Variants in TEX15 observed in about 807,000 individuals in gnomAD.
The protein encoded by TEX15 is testis expressed 15, meiosis and synapsis associated.
Under a neutral mutation model 237.3 loss-of-function variants are expected in TEX15, and 171 were observed. The observed-to-expected ratio is 0.72, with a 90% CI of 0.64 to 0.82. The LOEUF is 0.82. Among genes scored for constraint, TEX15 ranks in the 40% least tolerant of loss-of-function variants. The pLI, the probability that TEX15 is intolerant of heterozygous loss-of-function variation, is 0.00. For synonymous variants in TEX15, 1,338 were observed against 1,269.8 expected (o/e 1.05, Z -1.14); for missense variants, 3,750 against 3,646.5 (o/e 1.03, Z -0.73).
chr8:30,866,329 A>AGAAAGGG (rs1265136813), intron 5 of TEX15, among the ~76,000 whole-genome samples: 42 of 149,720 alleles, frequency 2.8e-4, no homozygotes, highest in East Asian at 9.9e-4. Flanking sequence ...ACAAAAAGGG[A>AGAAAGGG]GAAAGGGGAA....
At chr8:30,892,485 C>T (rs10954766) in intron 2 of TEX15, among the ~76,000 whole-genome samples, 35,751 of 152,010 alleles carry the variant, frequency 0.24, 6,191 homozygotes, top group African/African-American at 0.48. Context: ...GCCTATCTAA[C>T]AATAAATCTT....
intron 1 of TEX15, among the ~76,000 whole-genome samples, chr8:30,911,050 A>T (rs1189256027): frequency 6.6e-6 from 1 of 152,186 alleles, no homozygotes; most frequent in African/African-American, 2.4e-5. Flanking sequence ...AAAATCTTTT[A>T]AAAATATTCA....
At chr8:30,882,529 G>C (rs1000350744) in intron 3 of TEX15, among the ~76,000 whole-genome samples, 2 of 151,886 alleles carry the variant, frequency 1.3e-5, no homozygotes, top group African/African-American at 4.8e-5. Flanking sequence ...CTTGTGATCT[G>C]CCCACCTCAG....
intron 3 of TEX15, among the ~76,000 whole-genome samples, chr8:30,881,328 T>C (rs1298651512): frequency 6.6e-6 from 1 of 152,192 alleles, no homozygotes; most frequent in Non-Finnish European, 1.5e-5. Flanking sequence ...TTTAGAATTC[T>C]CCAGTGAAAC....
chr8:30,890,985 T>C (rs887469176), intron 2 of TEX15, among the ~76,000 whole-genome samples: 2 of 152,220 alleles, frequency 1.3e-5, no homozygotes, highest in Admixed American at 6.5e-5. Context: ...CTGTCATATG[T>C]ATTTTAATAT....
chr8:30,856,426 C>T (rs1008749603), intron 7 of TEX15, among the ~76,000 whole-genome samples: 9 of 151,830 alleles, frequency 5.9e-5, no homozygotes, highest in Admixed American at 2.6e-4. Context: ...TGTGGTGGTG[C>T]GCACCTGTAG....
intron 2 of TEX15, among the ~76,000 whole-genome samples, chr8:30,894,080 A>G (rs978358156): frequency 3.9e-5 from 6 of 152,158 alleles, no homozygotes; most frequent in African/African-American, 1.4e-4. Flanking sequence ...AATTATTACT[A>G]TCTTCATTAA....
intron 3 of TEX15, among the ~76,000 whole-genome samples, chr8:30,878,206 C>T (rs1808441010): frequency 1.3e-5 from 2 of 148,184 alleles, no homozygotes; most frequent in Admixed American, 6.9e-5. Flanking sequence ...TATGAATGTG[C>T]CAGTTTGTTT....
chr8:30,837,536 A>G lies in TEX15; in HGVS notation c.8748T>C (p.Phe2916=), dbSNP rs1416137220. 1 of 1,614,002 alleles carries G rather than the reference A, an allele frequency of 6.2e-7. No homozygotes were observed. The highest frequency in any genetic ancestry group is 1.7e-5 in the Admixed American group (1 of 60,020). Residue 2916 remains phenylalanine (F), a synonymous_variant, in exon 10 of 11, where the codon TTT becomes TTC. Coordinates refer to ENST00000643185, the MANE Select transcript of TEX15 (RefSeq NM_001350162.2). Reference sequence around the variant, plus strand: ...TTACTATATCATTATCTTGAAGTTCAAAGACTGTGTCATTCATTTCTAGAT... The same window carrying G: ...TTACTATATCATTATCTTGAAGTTCGAAGACTGTGTCATTCATTTCTAGAT... ...HPDLEMNDTV[F]ELQDNDIVNS... is the part of the protein sequence containing the mutation.
rs1374947223 is a variant in TEX15 at position 30,908,682 on chromosome 8, C to A, written c.-86+4197G>T. ...ACCTATGTTTGAATCCTAGCTCTTT[C>A]ACTATTTAGCTACTTCAGTTCATAA... On this transcript the variant is annotated intron_variant, in intron 1 of 10. Transcript: ENST00000643185. Among the ~76,000 whole-genome samples, 4 of 152,328 alleles carry A rather than the reference C, an allele frequency of 2.6e-5. No individual in the cohort carries two copies. The East Asian group carries it at 7.7e-4, about 29-fold the overall frequency.
intron 9 of TEX15, 38 bp from the exon 10 acceptor site, chr8:30,838,099 T>C (rs368835976): frequency 1.2e-5 from 18 of 1,491,356 alleles, no homozygotes; most frequent in East Asian, 6.9e-5. Flanking sequence ...TGAATTTAAA[T>C]ATATAGGGTC....
At chr8:30,905,448 A>G (rs1809081948) in intron 1 of TEX15, among the ~76,000 whole-genome samples, 2 of 152,162 alleles carry the variant, frequency 1.3e-5, no homozygotes, top group Admixed American at 6.5e-5. Flanking sequence ...GATCACCAAA[A>G]TAGAGTAATT....
Position 30,846,697 on chromosome 8 carries a change from T to C in TEX15, c.3470A>G (p.Gln1157Arg). Reference protein sequence around the residue: ...LTSPILLPDLQIKITNIFRPG... With the variant: ...LTSPILLPDLRIKITNIFRPG... ...CCTAAATATATTAGTAATTTTAATT[T>C]GTAGATCTGGAAGTAAAATTGGGCT... Residue 1157 changes from glutamine (Q) to arginine (R), a missense_variant, in exon 8 of 11, where the codon CAA (glutamine) becomes CGA (arginine). Transcript: ENST00000643185. The C allele has an allele frequency of 6.2e-7, 1 of 1,613,622 alleles. No homozygotes were observed. Among genetic ancestry groups the C allele is most frequent in the South Asian group, 1.1e-5 (1 of 90,992 alleles).
In TEX15 at chr8:30,847,424, A is replaced by C; in HGVS notation, c.2743T>G (p.Ser915Ala). The change falls in exon 8 of 11, where the codon TCT becomes GCT. Residue 915 changes from serine to alanine, a missense_variant. Transcript: ENST00000643185. ...TTAAATTTAGTAGAAAATTCTTCAG[A>C]ACTCAAAATTTCTATATTGTGGTAA... ...KNYHNIEILS[S>A]EEFSTKFNLI... is the part of the protein sequence containing the mutation. 1 of 1,611,540 alleles carries C rather than the reference A, an allele frequency of 6.2e-7. No individual in the cohort carries two copies.
At chr8:30,881,610 C>CTTTTTTTTTTTTTTTTTTTTTTTTT (rs1164594718) in intron 3 of TEX15, among the ~76,000 whole-genome samples, 7 of 109,424 alleles carry the variant, frequency 6.4e-5, no homozygotes, top group East Asian at 2.0e-4. Context: ...TCCATCTTGA[C>CTTTTTTTTTTTTTTTTTTTTTTTTT]TTTTTATTTT....
Position 30,837,271 on chromosome 8 carries a change from A to C in TEX15, c.9013T>G (p.Ser3005Ala). Residue 3005 changes from serine to alanine, a missense_variant, in exon 10 of 11, where the codon TCA (serine) becomes GCA (alanine). Coordinates refer to ENST00000643185, the MANE Select transcript of TEX15 (RefSeq NM_001350162.2). The stretch of plus-strand genomic sequence containing the variant: ...GCAGCATTCTGCATTAGGACTTTTG[A>C]ATTTTTGTCATTCTGTTGTTCAGAA... ...SLSEQQNDKN[S>A]KVLMQNAATY... 6.2e-7 allele frequency: 1 copy of C among 1,614,114 alleles called. No individual in the cohort carries two copies. The highest frequency in any genetic ancestry group is 8.5e-7 in the Non-Finnish European group (1 of 1,180,034).
At position 30,832,454 on chromosome 8, in the gene TEX15, G is replaced by A. The variant is rs1807202744; in HGVS notation, c.*832C>T. ...AGACTGCAGTTACATACTATATCCT[G>A]TTGCCCTATGATGATTATTACTAAG... On this transcript the variant is annotated 3_prime_UTR_variant, in exon 11 of 11. Coordinates refer to ENST00000643185, the MANE Select transcript of TEX15 (RefSeq NM_001350162.2). The A allele has an allele frequency of 6.6e-6, 1 of 152,174 alleles. No individual in the cohort carries two copies. Among genetic ancestry groups the A allele is most frequent in the African/African-American group, 2.4e-5 (1 of 41,442 alleles). The allele number at this position is 152,174 out of a possible 1,614,324, so 9.4% of individuals were successfully genotyped here.
At chr8:30,856,017 CTCACTGCAT>C (rs1168109359) in intron 7 of TEX15, among the ~76,000 whole-genome samples, 2 of 152,056 alleles carry the variant, frequency 1.3e-5, no homozygotes, top group African/African-American at 4.8e-5. Flanking sequence ...GCCATCTCGG[CTCACTGCAT>C]CCTCTGACCC....
chr8:30,837,506 T>C lies in TEX15; in HGVS notation c.8778A>G (p.Ser2926=). 6.2e-7 allele frequency: 1 copy of C among 1,613,254 alleles called. No homozygotes were observed. Among genetic ancestry groups the C allele is most frequent in the East Asian group, 2.2e-5 (1 of 44,858 alleles). ...FELQDNDIVN[S]SIKNSSCMTS... The stretch of plus-strand genomic sequence containing the variant: ...TCATGCATGAGGAATTTTTAATAGA[T>C]GAATTTACTATATCATTATCTTGAA... Residue 2926 remains serine, a synonymous_variant, in exon 10 of 11, where the codon TCA becomes TCG. Coordinates refer to ENST00000643185, the MANE Select transcript of TEX15 (RefSeq NM_001350162.2).
Sources: gnomAD v4.1 joint callset for allele counts (sites outside exome capture counted in the v4.1 genomes callset) on GRCh38, gnomAD v4.1.1 for gene constraint, MANE v1.5 for transcripts, NCBI Gene and HGNC (gene_info 2026-07-23, HGNC 2026-07-21) for gene names.